The following GABRB1 variants were observed in gnomAD, a reference collection of about 807,000 sequenced individuals.
The protein encoded by GABRB1 is gamma-aminobutyric acid receptor subunit beta-1.
GABRB1 carries 17 observed loss-of-function variants against 51.6 expected under a neutral mutation model. The observed-to-expected ratio is 0.33, with a 90% CI of 0.23 to 0.49. GABRB1 has a LOEUF of 0.49. Ranked by LOEUF, GABRB1 falls within the 20% of genes least tolerant of loss-of-function variation. GABRB1 has a pLI of 0.99. For missense variants in GABRB1, 410 were observed against 600.6 expected (o/e 0.68, Z 3.32); for synonymous variants, 247 against 218.9 (o/e 1.13, Z -1.14).
intron 4 of GABRB1, among the ~76,000 whole-genome samples, chr4:47,232,876 A>AT (rs11357071): frequency 0.035 from 4,817 of 135,922 alleles, 119 homozygotes; most frequent in African/African-American, 0.075. Flanking sequence ...TATGATCATC[A>AT]TTTTTTTTTT....
chr4:47,239,027 T>C (rs757914208), intron 4 of GABRB1, among the ~76,000 whole-genome samples: 1 of 152,220 alleles, frequency 6.6e-6, no homozygotes, highest in East Asian at 1.9e-4. Flanking sequence ...GGCTTTATTT[T>C]ATTTTGTGTT....
chr4:47,245,005 T>C (rs1032929061), intron 4 of GABRB1, among the ~76,000 whole-genome samples: 1 of 151,894 alleles, frequency 6.6e-6, no homozygotes, highest in Non-Finnish European at 1.5e-5. Flanking sequence ...AGAGCAGAAC[T>C]GAAGGAGGTA....
chr4:47,007,808 A>AT (rs1724451403), intron 1 of GABRB1, among the ~76,000 whole-genome samples: 2 of 149,826 alleles, frequency 1.3e-5, no homozygotes, highest in South Asian at 4.2e-4. Context: ...AGCCTTACTT[A>AT]GGACATTTGT....
chr4:47,114,414 A>G (rs1468166619), intron 3 of GABRB1, among the ~76,000 whole-genome samples: 4 of 152,184 alleles, frequency 2.6e-5, no homozygotes, highest in African/African-American at 9.7e-5. Flanking sequence ...AAGGTTGGGC[A>G]CTAAAAGTAT....
At chr4:47,065,856 TA>T (rs778477561) in intron 3 of GABRB1, among the ~76,000 whole-genome samples, 1 of 152,250 alleles carries the variant, frequency 6.6e-6, no homozygotes, top group African/African-American at 2.4e-5. Context: ...TTAACTTTAA[TA>T]AAAATTGATT....
chr4:47,411,843 G>A (rs2110059983), intron 8 of GABRB1, among the ~76,000 whole-genome samples: 1 of 152,244 alleles, frequency 6.6e-6, no homozygotes, highest in Middle Eastern at 3.4e-3. Flanking sequence ...TAAAGAAATG[G>A]GGAGTTTCAG....
chr4:47,299,133 A>T (rs1200425491), intron 4 of GABRB1, among the ~76,000 whole-genome samples: 2 of 152,100 alleles, frequency 1.3e-5, no homozygotes, highest in Non-Finnish European at 2.9e-5. Context: ...AACCATAAAA[A>T]CCCTAGAAGA....
chr4:47,380,220 G>A (rs1463517499), intron 5 of GABRB1, among the ~76,000 whole-genome samples: 1 of 152,110 alleles, frequency 6.6e-6, no homozygotes, highest in African/African-American at 2.4e-5. Context: ...ATTTTATGGA[G>A]CATATAACCA....
intron 5 of GABRB1, among the ~76,000 whole-genome samples, chr4:47,381,573 A>G (rs1472183800): frequency 1.3e-5 from 2 of 152,130 alleles, no homozygotes; most frequent in East Asian, 3.9e-4. Context: ...CATCCTGTCC[A>G]TTCTCCCAAA....
chr4:47,115,952 A>G (rs1380106814), intron 3 of GABRB1, among the ~76,000 whole-genome samples: 3 of 152,092 alleles, frequency 2.0e-5, no homozygotes, highest in Non-Finnish European at 2.9e-5. Context: ...ATTCTGATTG[A>G]CCATGTTAGT....
chr4:47,382,039 T>C (rs78017514), intron 5 of GABRB1, among the ~76,000 whole-genome samples: 6,040 of 152,264 alleles, frequency 0.04, 173 homozygotes, highest in Non-Finnish European at 0.059. Context: ...GAAATTCTAT[T>C]GTGACTGAAT....
intron 5 of GABRB1, among the ~76,000 whole-genome samples, chr4:47,385,513 TC>T (rs1260806237): frequency 1.3e-5 from 2 of 152,206 alleles, no homozygotes; most frequent in Admixed American, 1.3e-4. Flanking sequence ...CTAAGAGAAA[TC>T]TACTCTGTGA....
At chr4:47,389,565 T>C (rs2110037424) in intron 5 of GABRB1, among the ~76,000 whole-genome samples, 1 of 152,356 alleles carries the variant, frequency 6.6e-6, no homozygotes, top group African/African-American at 2.4e-5. Flanking sequence ...AAATGGGTTG[T>C]TGCATTTTGC....
intron 4 of GABRB1, among the ~76,000 whole-genome samples, chr4:47,201,804 A>G (rs1719907205): frequency 6.6e-6 from 1 of 152,210 alleles, no homozygotes; most frequent in Admixed American, 6.6e-5. Flanking sequence ...CCAAAATAGC[A>G]CAAGTGCTTA....
intron 5 of GABRB1, among the ~76,000 whole-genome samples, chr4:47,336,737 A>C (rs1725711031): frequency 6.6e-6 from 1 of 152,226 alleles, no homozygotes; most frequent in South Asian, 2.1e-4. Flanking sequence ...TTAGCAACAC[A>C]GAGTGCTGGA....
intron 4 of GABRB1, among the ~76,000 whole-genome samples, chr4:47,164,711 T>C (rs1718099575): frequency 6.6e-6 from 1 of 152,132 alleles, no homozygotes; most frequent in African/African-American, 2.4e-5. Context: ...TTAACTTACA[T>C]GAAGCCAGAA....
At chr4:47,288,863 G>T (rs1723616235) in intron 4 of GABRB1, among the ~76,000 whole-genome samples, 1 of 152,144 alleles carries the variant, frequency 6.6e-6, no homozygotes, top group Admixed American at 6.5e-5. Flanking sequence ...GAGACAAGCG[G>T]TCTACCCAGA....
chr4:47,266,735 G>T (rs1722656820), intron 4 of GABRB1, among the ~76,000 whole-genome samples: 1 of 152,100 alleles, frequency 6.6e-6, no homozygotes, highest in South Asian at 2.1e-4. Flanking sequence ...GCACAGAGAA[G>T]AAGAATATAT....
intron 8 of GABRB1, 107 bp from the exon 9 acceptor site, chr4:47,425,567 A>T: frequency 1.2e-6 from 1 of 825,928 alleles, no homozygotes; most frequent in Non-Finnish European, 2.0e-6. Context: ...CCAGATGTTT[A>T]GGAACACAGT....
Sources: gnomAD v4.1 joint callset for allele counts (sites outside exome capture counted in the v4.1 genomes callset) on GRCh38, gnomAD v4.1.1 for gene constraint, MANE v1.5 for transcripts, NCBI Gene and HGNC (gene_info 2026-07-23, HGNC 2026-07-21) for gene names.